SLC9A9: variants seen among roughly 807,000 people sequenced by gnomAD.
The protein encoded by SLC9A9 is sodium/hydrogen exchanger 9.
Under a neutral mutation model 77.8 loss-of-function variants are expected in SLC9A9, and 62 were observed. That is an observed-to-expected ratio of 0.80 (90% confidence interval 0.65 to 0.98). The LOEUF (loss-of-function observed/expected upper bound fraction) is 0.98. SLC9A9 is among the 50% of genes least tolerant of loss of function. SLC9A9 has a pLI of 0.00. For missense variants in SLC9A9, 775 were observed against 774.9 expected (o/e 1.00, Z 0.00); for synonymous variants, 320 against 283.5 (o/e 1.13, Z -1.29).
chr3:143,802,133 C>G (rs577218974), intron 2 of SLC9A9, among the ~76,000 whole-genome samples: 1 of 152,302 alleles, frequency 6.6e-6, no homozygotes, highest in Admixed American at 6.5e-5. Context: ...CCTACTCCCC[C>G]ACTGAAACTC....
At chr3:143,493,502 C>T in intron 11 of SLC9A9, 151 bp downstream of exon 11, 2 of 675,406 alleles carry the variant, frequency 3.0e-6, no homozygotes, top group East Asian at 2.8e-5. Flanking sequence ...TGCTGTTGCT[C>T]AGCACTTACG....
chr3:143,826,852 T>C (rs1463412587), intron 2 of SLC9A9, among the ~76,000 whole-genome samples: 1 of 152,156 alleles, frequency 6.6e-6, no homozygotes, highest in Non-Finnish European at 1.5e-5. Context: ...TCTTTCCTAT[T>C]ACCCTTAATA....
chr3:143,518,453 A>G (rs1332980505), intron 9 of SLC9A9, among the ~76,000 whole-genome samples: 1 of 152,258 alleles, frequency 6.6e-6, no homozygotes, highest in African/African-American at 2.4e-5. Context: ...AAGAGAAATA[A>G]CATGACCTTT....
intron 12 of SLC9A9, among the ~76,000 whole-genome samples, chr3:143,409,111 C>A (rs895459185): frequency 3.3e-5 from 5 of 152,198 alleles, no homozygotes; most frequent in African/African-American, 9.7e-5. Flanking sequence ...TTTCCTGGAG[C>A]ATGAATTGGG....
chr3:143,587,073 T>C (rs927819968), intron 6 of SLC9A9, among the ~76,000 whole-genome samples: 1 of 152,330 alleles, frequency 6.6e-6, no homozygotes, highest in South Asian at 2.1e-4. Context: ...CATTTTGATG[T>C]CAGGCACAAG....
intron 14 of SLC9A9, among the ~76,000 whole-genome samples, chr3:143,271,794 C>T (rs182504287): frequency 3.9e-5 from 6 of 152,160 alleles, no homozygotes; most frequent in East Asian, 3.8e-4. Context: ...ATCCAAGTAG[C>T]TGTGAGTCAA....
intron 14 of SLC9A9, among the ~76,000 whole-genome samples, chr3:143,277,403 A>G (rs1938082237): frequency 6.6e-6 from 1 of 152,202 alleles, no homozygotes; most frequent in Admixed American, 6.5e-5. Context: ...TCTGCATTTC[A>G]ACAATGCTCT....
intron 4 of SLC9A9, among the ~76,000 whole-genome samples, chr3:143,759,611 C>T (rs992821350): frequency 3.3e-5 from 5 of 151,412 alleles, no homozygotes; most frequent in African/African-American, 9.7e-5. Context: ...TTCCTGTCAC[C>T]GGATGCAATG....
intron 5 of SLC9A9, among the ~76,000 whole-genome samples, chr3:143,658,440 T>C (rs1251789570): frequency 6.6e-6 from 1 of 152,272 alleles, no homozygotes; most frequent in Non-Finnish European, 1.5e-5. Context: ...TCTTTTGCCA[T>C]GCAATAACCA....
chr3:143,705,710 G>A (rs766676987), intron 4 of SLC9A9, among the ~76,000 whole-genome samples: 1 of 152,214 alleles, frequency 6.6e-6, no homozygotes, highest in South Asian at 2.1e-4. Context: ...ATGGAAAGAA[G>A]TAGAGAAGGC....
chr3:143,477,954 C>T (rs919595729), intron 11 of SLC9A9, among the ~76,000 whole-genome samples: 1 of 152,220 alleles, frequency 6.6e-6, no homozygotes, highest in Admixed American at 6.5e-5. Flanking sequence ...GGGTGTTCAG[C>T]CTCTTGCCCA....
chr3:143,626,316 C>A (rs149639601), intron 6 of SLC9A9, among the ~76,000 whole-genome samples: 1 of 152,158 alleles, frequency 6.6e-6, no homozygotes, highest in South Asian at 2.1e-4. Flanking sequence ...CACATGCACA[C>A]GTATGTTTAT....
intron 12 of SLC9A9, among the ~76,000 whole-genome samples, chr3:143,408,213 T>C (rs1449611180): frequency 4.6e-5 from 7 of 152,210 alleles, no homozygotes; most frequent in African/African-American, 1.7e-4. Context: ...GGCTGGGGGA[T>C]GTGATTCAGT....
intron 4 of SLC9A9, among the ~76,000 whole-genome samples, chr3:143,716,487 A>C (rs1934356819): frequency 6.6e-6 from 1 of 152,064 alleles, no homozygotes; most frequent in South Asian, 2.1e-4. Flanking sequence ...AGAGTGTCTT[A>C]TCCCAGACTC....
At chr3:143,574,965 A>T (rs1222933698) in intron 7 of SLC9A9, among the ~76,000 whole-genome samples, 1 of 152,116 alleles carries the variant, frequency 6.6e-6, no homozygotes, top group Non-Finnish European at 1.5e-5. Context: ...AAATAAGGAG[A>T]TGTGATCGTG....
chr3:143,308,314 C>T (rs190699468), intron 14 of SLC9A9, among the ~76,000 whole-genome samples: 115 of 152,258 alleles, frequency 7.6e-4, no homozygotes, highest in Middle Eastern at 3.4e-3. Context: ...TGGTGGCTCA[C>T]GCCTGTAATC....
chr3:143,804,684 A>C (rs1426185634), intron 2 of SLC9A9, among the ~76,000 whole-genome samples: 1 of 152,168 alleles, frequency 6.6e-6, no homozygotes, highest in African/African-American at 2.4e-5. Context: ...ATGGGACCAA[A>C]GAGCTCCCTG....
intron 6 of SLC9A9, among the ~76,000 whole-genome samples, chr3:143,626,220 G>A (rs1054708280): frequency 2.0e-5 from 3 of 152,192 alleles, no homozygotes; most frequent in African/African-American, 4.8e-5. Context: ...ATTCCTCAGG[G>A]ATCTAGAACT....
intron 14 of SLC9A9, among the ~76,000 whole-genome samples, chr3:143,301,130 A>G (rs534782071): frequency 1.3e-5 from 2 of 152,204 alleles, no homozygotes; most frequent in Non-Finnish European, 2.9e-5. Flanking sequence ...AAACTTGGCT[A>G]ATCCTGCAGA....
Sources: gnomAD v4.1 joint callset for allele counts (sites outside exome capture counted in the v4.1 genomes callset) on GRCh38, gnomAD v4.1.1 for gene constraint, MANE v1.5 for transcripts, NCBI Gene and HGNC (gene_info 2026-07-23, HGNC 2026-07-21) for gene names.